The following SUMF1 variants were observed in gnomAD, a reference collection of about 807,000 sequenced individuals.
SUMF1 encodes formylglycine-generating enzyme.
SUMF1 carries 48 observed loss-of-function variants against 47.6 expected under a neutral mutation model. The observed-to-expected ratio is 1.01, with a 90% CI of 0.80 to 1.28. SUMF1 has a LOEUF of 1.28. Ranked by LOEUF, SUMF1 falls within the 50% of genes most tolerant of loss-of-function variation. SUMF1 has a pLI of 0.00. For synonymous variants in SUMF1, 230 were observed against 192.1 expected (o/e 1.20, Z -1.63); for missense variants, 571 against 485.4 (o/e 1.18, Z -1.66).
chr3:4,441,921 G>A (rs965610629), intron 3 of SUMF1, among the ~76,000 whole-genome samples: 2 of 152,112 alleles, frequency 1.3e-5, no homozygotes, highest in African/African-American at 2.4e-5. Flanking sequence ...CCAAAACCCA[G>A]GAACAATGTG....
intron 3 of SUMF1, among the ~76,000 whole-genome samples, chr3:4,423,098 G>C (rs557659932): frequency 6.6e-6 from 1 of 152,162 alleles, no homozygotes; most frequent in Admixed American, 6.5e-5. Flanking sequence ...ATTCCCTAAG[G>C]AACTAAAAGT....
At chr3:4,120,696 G>C (rs903206552) in intron 8 of SUMF1, among the ~76,000 whole-genome samples, 1 of 152,032 alleles carries the variant, frequency 6.6e-6, no homozygotes, top group Admixed American at 6.6e-5. Context: ...AAGAGGTTTG[G>C]GCAAAGTGAC....
At chr3:4,080,003 C>A (rs896280063) in intron 8 of SUMF1, among the ~76,000 whole-genome samples, 1 of 151,796 alleles carries the variant, frequency 6.6e-6, no homozygotes, top group African/African-American at 2.4e-5. Flanking sequence ...ACTTCGGTGT[C>A]CTTATCTGTA....
At chr3:4,460,649 CATATATAT>C (rs759515438) in intron 1 of SUMF1, among the ~76,000 whole-genome samples, 55 of 141,982 alleles carry the variant, frequency 3.9e-4, no homozygotes, top group Non-Finnish European at 7.1e-4. Context: ...TATATATATA[CATATATAT>C]ATATATATAT....
intron 8 of SUMF1, among the ~76,000 whole-genome samples, chr3:4,254,214 C>T (rs1462369213): frequency 6.6e-6 from 1 of 152,020 alleles, no homozygotes; most frequent in Non-Finnish European, 1.5e-5. Context: ...GCCTCTCCTC[C>T]TCCAAAGGAA....
chr3:4,390,891 T>C (rs1700840401), intron 7 of SUMF1, among the ~76,000 whole-genome samples: 1 of 152,212 alleles, frequency 6.6e-6, no homozygotes, highest in African/African-American at 2.4e-5. Context: ...CTTATAATTC[T>C]TTTATGTGCA....
At chr3:4,146,013 G>A (rs993239457) in intron 8 of SUMF1, among the ~76,000 whole-genome samples, 9 of 152,066 alleles carry the variant, frequency 5.9e-5, no homozygotes, top group Admixed American at 2.6e-4. Context: ...CTGTTGTGTC[G>A]ACTTGGTCTC....
intron 8 of SUMF1, chr3:4,313,848 GT>G (rs747258285): frequency 3.2e-6 from 5 of 1,576,254 alleles, no homozygotes; most frequent in Non-Finnish European, 4.3e-6. Context: ...AGTTACATAA[GT>G]TTAACTCAGG....
At chr3:4,422,734 A>T (rs1412412227) in intron 3 of SUMF1, among the ~76,000 whole-genome samples, 1 of 152,086 alleles carries the variant, frequency 6.6e-6, no homozygotes, top group Non-Finnish European at 1.5e-5. Context: ...TAAACAGGAG[A>T]AGGCCCCTGC....
At position 4,284,981 on chromosome 3, in the gene SUMF1, G is replaced by A. The variant is rs575796854; in HGVS notation, c.1014+91349C>T. Among the ~76,000 whole-genome samples, 11 of 152,158 alleles carry A rather than the reference G, an allele frequency of 7.2e-5. 1 individual carries two copies. In the East Asian group the frequency reaches 9.7e-4, roughly 13 times the overall value. On this transcript the variant is annotated intron_variant and NMD_transcript_variant, in intron 8 of 12. Coordinates refer to the SUMF1 transcript ENST00000448413. ...AGCTTTCACCCCCATTTATAATAAAGTCTCTAATAACCGCTGATCATCTTC... is the reference window on the plus strand; with the variant it reads ...AGCTTTCACCCCCATTTATAATAAAATCTCTAATAACCGCTGATCATCTTC...
At chr3:4,354,343 T>C (rs1368372542) in intron 8 of SUMF1, among the ~76,000 whole-genome samples, 5 of 152,214 alleles carry the variant, frequency 3.3e-5, no homozygotes, top group Admixed American at 3.3e-4. Context: ...AACAGGCAGA[T>C]CAACACAGTA....
chr3:4,241,247 G>A (rs1696531052), intron 8 of SUMF1, among the ~76,000 whole-genome samples: 1 of 152,140 alleles, frequency 6.6e-6, no homozygotes, highest in Admixed American at 6.6e-5. Flanking sequence ...AAAACCCTGT[G>A]ATATAAATGA....
chr3:4,180,932 G>A (rs964232039), intron 8 of SUMF1, among the ~76,000 whole-genome samples: 1 of 152,034 alleles, frequency 6.6e-6, no homozygotes, highest in Non-Finnish European at 1.5e-5. Flanking sequence ...TTCTCTTTGA[G>A]AACACAAGGA....
At chr3:4,255,778 A>G (rs1388317740) in intron 8 of SUMF1, among the ~76,000 whole-genome samples, 82 of 115,694 alleles carry the variant, frequency 7.1e-4, no homozygotes, top group Admixed American at 3.5e-3. Context: ...ATAGACATCT[A>G]CAGAACTCTC....
intron 3 of SUMF1, among the ~76,000 whole-genome samples, chr3:4,428,547 T>C (rs1336520498): frequency 6.6e-6 from 1 of 152,006 alleles, no homozygotes; most frequent in Non-Finnish European, 1.5e-5. Context: ...ACAGATGGAG[T>C]CTCGCTACAT....
At chr3:4,349,655 T>C (rs1699445840) in intron 8 of SUMF1, among the ~76,000 whole-genome samples, 1 of 152,122 alleles carries the variant, frequency 6.6e-6, no homozygotes, top group African/African-American at 2.4e-5. Flanking sequence ...TATGCAGTCA[T>C]AAAAAGGAAT....
At chr3:4,167,912 C>T (rs1694746314) in intron 8 of SUMF1, among the ~76,000 whole-genome samples, 1 of 152,174 alleles carries the variant, frequency 6.6e-6, no homozygotes, top group Non-Finnish European at 1.5e-5. Flanking sequence ...ATAAAGCAGG[C>T]ATCTCTTTGT....
downstream of SUMF1, among the ~76,000 whole-genome samples, chr3:4,356,513 A>G (rs532280623): frequency 2.6e-5 from 4 of 152,206 alleles, no homozygotes; most frequent in South Asian, 8.3e-4. Flanking sequence ...CCTTTCTTAC[A>G]TTTATACATT....
chr3:4,354,435 T>C (rs4685743), intron 8 of SUMF1, among the ~76,000 whole-genome samples: 1 of 152,128 alleles, frequency 6.6e-6, no homozygotes, highest in East Asian at 1.9e-4. Context: ...TCCATTGGTA[T>C]TAAACCTGCT....
Sources: gnomAD v4.1 joint callset for allele counts (sites outside exome capture counted in the v4.1 genomes callset) on GRCh38, gnomAD v4.1.1 for gene constraint, MANE v1.5 for transcripts, NCBI Gene and HGNC (gene_info 2026-07-23, HGNC 2026-07-21) for gene names.